The following PPARGC1A variants were observed in gnomAD, a reference collection of about 807,000 sequenced individuals.
PPARGC1A encodes PPARG coactivator 1 alpha.
Under a neutral mutation model 88.7 loss-of-function variants are expected in PPARGC1A, and 25 were observed. That is an observed-to-expected ratio of 0.28 (90% CI 0.21 to 0.39). The LOEUF (loss-of-function observed/expected upper bound fraction) is 0.39, where lower values mean the gene tolerates loss of function less well. Ranked by LOEUF, PPARGC1A falls within the 10% of genes least tolerant of loss-of-function variation. The pLI is 1.00. For synonymous variants in PPARGC1A, 363 were observed against 355.6 expected (o/e 1.02, Z -0.24); for missense variants, 880 against 968.7 (o/e 0.91, Z 1.22).
chr4:24,450,817 C>G, the PPARGC1A span, among the ~76,000 whole-genome samples: 1 of 152,144 alleles, frequency 6.6e-6, no homozygotes, highest in African/African-American at 2.4e-5. Context: ...ATAGCTGTTC[C>G]AAATTCCTGC....
the PPARGC1A span, among the ~76,000 whole-genome samples, chr4:24,331,320 C>G: frequency 6.6e-6 from 1 of 152,180 alleles, no homozygotes; most frequent in East Asian, 1.9e-4. Flanking sequence ...CTTCACAGCA[C>G]TCAGATCTCA....
chr4:24,398,137 A>G, the PPARGC1A span, among the ~76,000 whole-genome samples: 1 of 152,226 alleles, frequency 6.6e-6, no homozygotes, highest in South Asian at 2.1e-4. Flanking sequence ...TACACTGTGG[A>G]ATTTCTTTAT....
the PPARGC1A span, among the ~76,000 whole-genome samples, chr4:24,321,085 TAAG>T: frequency 2.0e-5 from 3 of 152,106 alleles, no homozygotes; most frequent in African/African-American, 7.2e-5. Context: ...AAGCAGCGCC[TAAG>T]AAGAGGAAAT....
chr4:23,805,586 C>G (rs1719652916), intron 10 of PPARGC1A, among the ~76,000 whole-genome samples: 1 of 152,164 alleles, frequency 6.6e-6, no homozygotes, highest in Non-Finnish European at 1.5e-5. Flanking sequence ...AGAGGCACAT[C>G]CCAGACCATC....
At chr4:23,904,200 C>T (rs559659460), upstream of PPARGC1A, 10 of 217,816 alleles carry the variant, frequency 4.6e-5, no homozygotes, top group South Asian at 1.5e-3. Context: ...ATCTGAAACC[C>T]AATCTTAGCC....
At chr4:24,254,425 G>A in the PPARGC1A span, among the ~76,000 whole-genome samples, 2 of 152,248 alleles carry the variant, frequency 1.3e-5, no homozygotes, top group Middle Eastern at 6.8e-3. Flanking sequence ...GCACTCCCCA[G>A]TTCCATAAAG....
the PPARGC1A span, among the ~76,000 whole-genome samples, chr4:24,090,477 T>C: frequency 6.6e-6 from 1 of 152,252 alleles, no homozygotes; most frequent in Admixed American, 6.5e-5. Flanking sequence ...AGGCTCCTTC[T>C]TTTTATAAAA....
At chr4:24,040,999 A>C in the PPARGC1A span, among the ~76,000 whole-genome samples, 2 of 152,184 alleles carry the variant, frequency 1.3e-5, no homozygotes, top group African/African-American at 4.8e-5. Context: ...TAAACTGCTC[A>C]AGTTATTATA....
chr4:24,339,223 TATATATATATATATACACACACACAC>T, the PPARGC1A span, among the ~76,000 whole-genome samples: 1 of 72,408 alleles, frequency 1.4e-5, no homozygotes, highest in Non-Finnish European at 3.0e-5. Flanking sequence ...TATATATATA[TATATATATATATATACACACACACAC>T]ACACACACAC....
At chr4:24,431,655 C>G in the PPARGC1A span, among the ~76,000 whole-genome samples, 1 of 152,184 alleles carries the variant, frequency 6.6e-6, no homozygotes, top group Non-Finnish European at 1.5e-5. Context: ...GCAGAAGGTA[C>G]TTTGTGGCCT....
At chr4:24,173,704 A>G in the PPARGC1A span, among the ~76,000 whole-genome samples, 1 of 152,264 alleles carries the variant, frequency 6.6e-6, no homozygotes, top group Non-Finnish European at 1.5e-5. Flanking sequence ...CATTTCTGCT[A>G]TTCACTACAG....
chr4:23,813,544 A>C (rs1394891021), intron 8 of PPARGC1A, 146 bp downstream of exon 8: 5 of 713,916 alleles, frequency 7.0e-6, no homozygotes, highest in South Asian at 2.1e-5. Flanking sequence ...TGAGTGTAAC[A>C]ATGTTCTCGT....
chr4:24,462,253 A>ATTTTTTTT, the PPARGC1A span, among the ~76,000 whole-genome samples: 1 of 143,346 alleles, frequency 7.0e-6, no homozygotes, highest in African/African-American at 2.7e-5. Context: ...ACCCGGCTAA[A>ATTTTTTTT]TTTTTTTTTT....
At chr4:24,017,926 G>A in the PPARGC1A span, among the ~76,000 whole-genome samples, 1 of 152,122 alleles carries the variant, frequency 6.6e-6, no homozygotes, top group Non-Finnish European at 1.5e-5. Context: ...TAGCCCTTTG[G>A]AGGAAAATAG....
At chr4:24,371,140 C>T in the PPARGC1A span, among the ~76,000 whole-genome samples, 1 of 152,142 alleles carries the variant, frequency 6.6e-6, no homozygotes, top group Non-Finnish European at 1.5e-5. Flanking sequence ...CATTGTATTC[C>T]ATGGTGTATA....
the PPARGC1A span, among the ~76,000 whole-genome samples, chr4:24,327,924 A>T: frequency 2.0e-5 from 3 of 152,138 alleles, no homozygotes; most frequent in African/African-American, 4.8e-5. Context: ...AAGAAGTGAA[A>T]AGGCCCTGCC....
the PPARGC1A span, among the ~76,000 whole-genome samples, chr4:24,274,262 C>A: frequency 6.6e-6 from 1 of 152,070 alleles, no homozygotes; most frequent in African/African-American, 2.4e-5. Context: ...GTTCACTGGT[C>A]ACCAAAGTCC....
At chr4:23,960,753 C>A in the PPARGC1A span, among the ~76,000 whole-genome samples, 1 of 152,116 alleles carries the variant, frequency 6.6e-6, no homozygotes, top group Non-Finnish European at 1.5e-5. Context: ...GCAAAGCCAT[C>A]ACATTGTTAA....
the PPARGC1A span, among the ~76,000 whole-genome samples, chr4:24,308,721 A>T: frequency 6.6e-6 from 1 of 152,188 alleles, no homozygotes; most frequent in Admixed American, 6.5e-5. Context: ...GAGGTTGTGC[A>T]TAAGACTTCA....
Sources: gnomAD v4.1 joint callset for allele counts (sites outside exome capture counted in the v4.1 genomes callset) on GRCh38, gnomAD v4.1.1 for gene constraint, MANE v1.5 for transcripts, NCBI Gene and HGNC (gene_info 2026-07-23, HGNC 2026-07-21) for gene names.